The following ANK2 variants were observed in gnomAD, a reference collection of about 807,000 sequenced individuals.
The protein encoded by ANK2 is ankyrin-2.
A neutral mutation model predicts 360.5 loss-of-function variants in ANK2; 83 were observed. That is an observed-to-expected ratio of 0.23 (90% CI 0.19 to 0.28). ANK2 has a LOEUF of 0.28. ANK2 is among the 10% of genes least tolerant of loss of function. The pLI is 1.00. For missense variants in ANK2, 4,201 were observed against 4,795.7 expected (o/e 0.88, Z 3.66); for synonymous variants, 1,740 against 1,759.5 (o/e 0.99, Z 0.28).
intron 2 of ANK2, among the ~76,000 whole-genome samples, chr4:113,022,563 G>A (rs141136125): frequency 5.9e-4 from 90 of 152,240 alleles, no homozygotes; most frequent in East Asian, 9.6e-4. Context: ...TTAGGGTATC[G>A]TTCATTCATT....
the ANK2 span, among the ~76,000 whole-genome samples, chr4:112,716,841 A>G: frequency 1.3e-5 from 2 of 152,160 alleles, no homozygotes; most frequent in Admixed American, 1.3e-4. Flanking sequence ...GGAAAAGTAA[A>G]CCTTACTCCA....
chr4:112,902,430 T>G (rs2083745054), intron 1 of ANK2, among the ~76,000 whole-genome samples: 1 of 152,250 alleles, frequency 6.6e-6, no homozygotes, highest in African/African-American at 2.4e-5. Context: ...ATATAAGAGC[T>G]GGAAAGCAAC....
chr4:113,217,784 A>G (rs1183694856), intron 4 of ANK2, among the ~76,000 whole-genome samples: 1 of 152,006 alleles, frequency 6.6e-6, no homozygotes, highest in Middle Eastern at 3.2e-3. Context: ...GGGGATGGGG[A>G]CACTAAGTCT....
chr4:112,756,601 C>T, the ANK2 span, among the ~76,000 whole-genome samples: 1 of 152,156 alleles, frequency 6.6e-6, no homozygotes, highest in Admixed American at 6.5e-5. Flanking sequence ...AGGGAGTTAT[C>T]TGTGATGGAA....
intron 2 of ANK2, among the ~76,000 whole-genome samples, chr4:113,017,313 T>C (rs1171717888): frequency 2.0e-5 from 3 of 152,170 alleles, no homozygotes; most frequent in East Asian, 1.9e-4. Context: ...CGGCCACTTA[T>C]CTATTTTGTG....
At chr4:113,257,675 C>T (rs2050266022) in intron 11 of ANK2, among the ~76,000 whole-genome samples, 4 of 152,094 alleles carry the variant, frequency 2.6e-5, no homozygotes, top group Admixed American at 2.0e-4. Flanking sequence ...AGAATATATG[C>T]TTATCTTCAG....
At chr4:112,734,602 C>T in the ANK2 span, among the ~76,000 whole-genome samples, 28 of 152,248 alleles carry the variant, frequency 1.8e-4, no homozygotes, top group South Asian at 1.0e-3. Context: ...GGTTCCTCAT[C>T]GTTTTTCTTT....
chr4:113,287,835 C>A, intron 19 of ANK2, 132 bp downstream of exon 19: 1 of 781,692 alleles, frequency 1.3e-6, no homozygotes, highest in Non-Finnish European at 2.2e-6. Flanking sequence ...CTAATCATAA[C>A]CCTCTCCTAT....
At chr4:113,342,110 C>G (rs1429230946) in intron 33 of ANK2, among the ~76,000 whole-genome samples, 194 bp downstream of exon 33, 3 of 152,118 alleles carry the variant, frequency 2.0e-5, no homozygotes, top group Non-Finnish European at 4.4e-5. Context: ...TAGGAATGAT[C>G]TGTGCATGTG....
intron 1 of ANK2, among the ~76,000 whole-genome samples, chr4:112,831,205 G>T (rs1443323256): frequency 1.3e-5 from 2 of 152,250 alleles, no homozygotes; most frequent in Admixed American, 6.5e-5. Flanking sequence ...CGCGGCGTGG[G>T]ACTGGCAGGC....
intron 1 of ANK2, chr4:113,069,983 C>G (rs1330464400): frequency 6.6e-6 from 1 of 152,102 alleles, no homozygotes; most frequent in Non-Finnish European, 1.5e-5. Context: ...TAACCTCATC[C>G]GAAGTCCTGG....
chr4:113,255,981 A>G (rs765469925), intron 11 of ANK2, 49 bp downstream of exon 11: 3 of 1,582,668 alleles, frequency 1.9e-6, no homozygotes, highest in Non-Finnish European at 2.6e-6. Context: ...GAGACAAACA[A>G]ACCCACATTC....
In ANK2 at chr4:113,353,639, G is replaced by A; in HGVS notation, c.5021G>A (p.Ser1674Asn). The change falls in exon 38 of 46, where the codon AGC (serine) becomes AAC (asparagine). Residue 1674 changes from serine to asparagine, a missense_variant. Coordinates refer to ENST00000357077, the MANE Select transcript of ANK2 (RefSeq NM_001148.6). ...KKCEALAVGRSSEKEGKDIPP... is the reference protein window; with the variant it reads ...KKCEALAVGRNSEKEGKDIPP... ...TGTGAGGCTCTGGCTGTTGGCAGGA[G>A]CTCTGAAAAGGAAGGGAAAGACATA... is the stretch of plus-strand genomic sequence containing the variant. The A allele has an allele frequency of 1.2e-6, 2 of 1,614,016 alleles. No homozygotes were observed. The highest frequency in any genetic ancestry group is 2.2e-5 in the South Asian group (2 of 91,078).
the ANK2 span, among the ~76,000 whole-genome samples, chr4:112,708,257 G>A: frequency 6.6e-6 from 1 of 152,124 alleles, no homozygotes; most frequent in African/African-American, 2.4e-5. Context: ...ATGTTCATTA[G>A]TAATTCTTTT....
At chr4:113,048,851 ATTAACTGCCT>A (rs1233846913), upstream of ANK2, among the ~76,000 whole-genome samples, 2 of 151,690 alleles carry the variant, frequency 1.3e-5, no homozygotes, top group Non-Finnish European at 2.9e-5. Flanking sequence ...ACAAGCCTTG[ATTAACTGCCT>A]TTAATGTGCC....
chr4:113,303,352 G>A (rs2075842551), intron 23 of ANK2, among the ~76,000 whole-genome samples: 1 of 152,124 alleles, frequency 6.6e-6, no homozygotes, highest in South Asian at 2.1e-4. Flanking sequence ...TAGTACAGCA[G>A]GAAGTAGTAT....
chr4:113,083,604 T>A (rs2083306246), intron 1 of ANK2, among the ~76,000 whole-genome samples: 1 of 152,162 alleles, frequency 6.6e-6, no homozygotes, highest in Non-Finnish European at 1.5e-5. Context: ...GGTTACTATT[T>A]ATTCCACTCA....
At chr4:113,133,055 C>T (rs1268705464) in intron 1 of ANK2, among the ~76,000 whole-genome samples, 1 of 152,080 alleles carries the variant, frequency 6.6e-6, no homozygotes, top group Non-Finnish European at 1.5e-5. Flanking sequence ...TTCACTGACA[C>T]CAGCAAGAGA....
chr4:112,790,604 T>C, the ANK2 span, among the ~76,000 whole-genome samples: 1 of 150,762 alleles, frequency 6.6e-6, no homozygotes, highest in South Asian at 2.1e-4. Flanking sequence ...TTCTCCGGCC[T>C]CAGCTTCCCA....
Sources: allele counts gnomAD v4.1 joint callset (sites outside exome capture counted in the v4.1 genomes callset), GRCh38; gene constraint gnomAD v4.1.1; transcripts MANE v1.5; gene names NCBI Gene and HGNC (gene_info 2026-07-23, HGNC 2026-07-21).